ANKH: variants seen among roughly 807,000 people sequenced by gnomAD.
ANKH encodes ANKH inorganic pyrophosphate transport regulator.
A neutral mutation model predicts 49.0 loss-of-function variants in ANKH; 15 were observed. That is an observed-to-expected ratio of 0.31 (90% CI 0.20 to 0.47). The LOEUF is 0.47. ANKH is among the 20% of genes least tolerant of loss of function. ANKH has a pLI of 1.00. For synonymous variants in ANKH, 273 were observed against 260.0 expected (o/e 1.05, Z -0.48); for missense variants, 429 against 652.0 (o/e 0.66, Z 3.72).
intron 8 of ANKH, among the ~76,000 whole-genome samples, chr5:14,736,714 TCTGA>T (rs779289259): frequency 3.9e-5 from 6 of 152,342 alleles, no homozygotes; most frequent in Non-Finnish European, 7.3e-5. Flanking sequence ...CTCCCCCTTC[TCTGA>T]CTTTCTCTGA....
At chr5:14,807,615 T>C (rs1240481133) in intron 1 of ANKH, among the ~76,000 whole-genome samples, 1 of 152,232 alleles carries the variant, frequency 6.6e-6, no homozygotes, top group Non-Finnish European at 1.5e-5. Flanking sequence ...TCTTAGATTA[T>C]AAATCTCTGA....
intron 1 of ANKH, among the ~76,000 whole-genome samples, chr5:14,806,321 TA>T (rs34217627): frequency 8.6e-4 from 127 of 147,612 alleles, no homozygotes; most frequent in Non-Finnish European, 7.5e-4. Context: ...TTTGGGTGGG[TA>T]AAAAAAAAAA....
rs1737325487 is a variant in ANKH at position 14,713,618 on chromosome 5, G to A, written c.1191C>T (p.Thr397=). Residue 397 remains threonine (T), a synonymous_variant, in exon 10 of 12, where the codon ACC becomes ACT. Coordinates refer to ENST00000284268, the MANE Select transcript of ANKH (RefSeq NM_054027.6). The surrounding 1 kb of genome is among the most constrained non-coding windows in gnomAD (Gnocchi z 4.4). ...LTGWLMTLKK[T]FVLAPSSVLR... ...GCACAGAGCTGGGGGCAAGGACGAA[G>A]GTTTTCTTCAGTGTCATCAGCCACC... The A allele has an allele frequency of 1.2e-6, 2 of 1,614,108 alleles. No individual in the cohort carries two copies. The highest frequency in any genetic ancestry group is 1.3e-5 in the African/African-American group (1 of 74,950).
chr5:14,869,762 C>G (rs1735762016), intron 1 of ANKH: 1 of 152,230 alleles, frequency 6.6e-6, no homozygotes, highest in South Asian at 2.1e-4. Flanking sequence ...AATGATGACA[C>G]AGACTACTCT....
At position 14,749,371 on chromosome 5, in the gene ANKH, G is replaced by C. The variant is rs1738641375; in HGVS notation, c.688-65C>G. 4 of 1,567,872 alleles carry C rather than the reference G, an allele frequency of 2.6e-6. No individual in the cohort carries two copies. In the Admixed American group the frequency reaches 6.7e-5, roughly 26 times the overall value. On this transcript the variant is annotated intron_variant, in intron 5 of 11. Coordinates refer to ENST00000284268, the MANE Select transcript of ANKH (RefSeq NM_054027.6). ...GAAGCAGAATGGAAAAAACGATTCA[G>C]AATCAAAGCTTTTCCTTCGTATGTT...
At chr5:14,772,890 C>A (rs1295820298) in intron 1 of ANKH, among the ~76,000 whole-genome samples, 3 of 152,252 alleles carry the variant, frequency 2.0e-5, no homozygotes, top group Admixed American at 6.5e-5. Flanking sequence ...TCTGATGCAT[C>A]CACCATAGTT....
intron 8 of ANKH, among the ~76,000 whole-genome samples, chr5:14,729,064 C>CA (rs1554001055): frequency 1.3e-5 from 2 of 150,950 alleles, no homozygotes; most frequent in Non-Finnish European, 3.0e-5. Flanking sequence ...CCTTTTTTTT[C>CA]TTTTTTTTTG....
At chr5:14,866,766 T>C (rs1735657329) in intron 1 of ANKH, among the ~76,000 whole-genome samples, 1 of 152,200 alleles carries the variant, frequency 6.6e-6, no homozygotes, top group Non-Finnish European at 1.5e-5. Flanking sequence ...AGATACAGTG[T>C]TGACTTAATT....
intron 1 of ANKH, among the ~76,000 whole-genome samples, chr5:14,835,213 T>C (rs1483109979): frequency 6.6e-6 from 1 of 152,162 alleles, no homozygotes; most frequent in Non-Finnish European, 1.5e-5. Flanking sequence ...ATGACCAGGC[T>C]TAACTGGAAA....
chr5:14,726,047 C>A (rs1407816650), intron 8 of ANKH, among the ~76,000 whole-genome samples: 3 of 152,190 alleles, frequency 2.0e-5, no homozygotes, highest in Admixed American at 2.0e-4. Flanking sequence ...GAAGTCTTGT[C>A]TTGGGGGAGG....
At chr5:14,793,955 A>C (rs1740290686) in intron 1 of ANKH, among the ~76,000 whole-genome samples, 1 of 152,360 alleles carries the variant, frequency 6.6e-6, no homozygotes, top group South Asian at 2.1e-4. Flanking sequence ...AATGCTATCC[A>C]CTGATCCATT....
chr5:14,834,924 C>G (rs1352816980), intron 1 of ANKH, among the ~76,000 whole-genome samples: 1 of 152,140 alleles, frequency 6.6e-6, no homozygotes, highest in Non-Finnish European at 1.5e-5. Context: ...GCACTCTGAG[C>G]AGTCACCAGG....
rs376700276 is a variant in ANKH at position 14,856,807 on chromosome 5, C to T, written c.96+14545G>A. Among the ~76,000 whole-genome samples, 107 of 152,126 alleles carry T rather than the reference C, an allele frequency of 7.0e-4. 1 individual carries two copies. The highest frequency in any genetic ancestry group is 2.5e-3 in the African/African-American group (103 of 41,420). ...CCTATGAGACTCTAAGCATGAGCCA[C>T]GAGTCAGACAAGCCTGGCTCCACAT... On this transcript the variant is annotated intron_variant, in intron 1 of 11. Coordinates refer to ENST00000284268, the MANE Select transcript of ANKH (RefSeq NM_054027.6).
intron 1 of ANKH, among the ~76,000 whole-genome samples, chr5:14,816,539 T>A (rs1286253356): frequency 6.6e-6 from 1 of 152,096 alleles, no homozygotes; most frequent in Non-Finnish European, 1.5e-5. Flanking sequence ...GGAAAATAAA[T>A]CATGATCATC....
chr5:14,790,299 T>G (rs1740122154), intron 1 of ANKH, among the ~76,000 whole-genome samples: 1 of 152,208 alleles, frequency 6.6e-6, no homozygotes, highest in Non-Finnish European at 1.5e-5. Flanking sequence ...TCAAACACAC[T>G]TGGAACTTAA....
At position 14,745,008 on chromosome 5, in the gene ANKH, C is replaced by G. The variant is rs1205455639; in HGVS notation, c.915+862G>C. 6.6e-6 allele frequency among the ~76,000 whole-genome samples: 1 copy of G among 152,152 alleles called. No individual in the cohort carries two copies. Among genetic ancestry groups the G allele is most frequent in the Non-Finnish European group, 1.5e-5 (1 of 68,028 alleles). On this transcript the variant is annotated intron_variant, in intron 7 of 11. Coordinates refer to ENST00000284268, the MANE Select transcript of ANKH (RefSeq NM_054027.6). The surrounding 1 kb of genome is among the most constrained non-coding windows in gnomAD (Gnocchi z 4.7). Reference sequence around the variant, plus strand: ...TGCCAGAGCTGAGCGCTGTGGACACCCCTGGCCAGGAGGCTTCCTCTCCTC... The same window carrying G: ...TGCCAGAGCTGAGCGCTGTGGACACGCCTGGCCAGGAGGCTTCCTCTCCTC...
At chr5:14,793,020 A>AT (rs70964569) in intron 1 of ANKH, among the ~76,000 whole-genome samples, 14 of 61,826 alleles carry the variant, frequency 2.3e-4, no homozygotes, top group South Asian at 6.2e-4. Flanking sequence ...ATATATATAT[A>AT]AATATATATA....
intron 3 of ANKH, 36 bp downstream of exon 3, chr5:14,758,444 G>C (rs1738971015): frequency 4.0e-6 from 6 of 1,518,656 alleles, no homozygotes; most frequent in Non-Finnish European, 5.5e-6. Context: ...ACCAGTTAAA[G>C]AAAAAGAAAG....
At chr5:14,718,537 G>A (rs1422416531) in intron 8 of ANKH, among the ~76,000 whole-genome samples, 1 of 152,194 alleles carries the variant, frequency 6.6e-6, no homozygotes, top group Non-Finnish European at 1.5e-5. Flanking sequence ...CACGCCAGAC[G>A]CTTTGGCTCA....
Sources: allele counts gnomAD v4.1 joint callset (sites outside exome capture counted in the v4.1 genomes callset), GRCh38; gene constraint gnomAD v4.1.1; non-coding constraint Gnocchi (gnomAD v3.1); transcripts MANE v1.5; gene names NCBI Gene and HGNC (gene_info 2026-07-23, HGNC 2026-07-21).